The following GSN variants were observed in gnomAD, a reference collection of about 807,000 sequenced individuals.
GSN encodes gelsolin, also known as actin-depolymerizing factor.
Under a neutral mutation model 85.7 loss-of-function variants are expected in GSN, and 56 were observed. That is an observed-to-expected ratio of 0.65 (90% CI 0.53 to 0.82). The LOEUF (loss-of-function observed/expected upper bound fraction) is 0.82, where lower values mean the gene tolerates loss of function less well. Among genes scored for constraint, GSN ranks in the 40% least tolerant of loss-of-function variants. The pLI, the probability that GSN is intolerant of heterozygous loss-of-function variation, is 0.00. For synonymous variants in GSN, 373 were observed against 399.1 expected (o/e 0.93, Z 0.78); for missense variants, 857 against 979.8 (o/e 0.87, Z 1.67).
intron 1 of GSN, among the ~76,000 whole-genome samples, chr9:121,273,786 T>A (rs538885943): frequency 2.0e-5 from 3 of 152,226 alleles, no homozygotes; most frequent in Non-Finnish European, 4.4e-5. Context: ...TAAATGTTTA[T>A]TCTAATTTAA....
At chr9:121,248,113 G>A (rs958322493) in intron 5 of GSN, among the ~76,000 whole-genome samples, 4 of 152,150 alleles carry the variant, frequency 2.6e-5, no homozygotes, top group Non-Finnish European at 5.9e-5. Flanking sequence ...GAGAAGTGCT[G>A]TAAAGTATCC....
At chr9:121,225,696 T>G (rs988759634) in intron 4 of GSN, among the ~76,000 whole-genome samples, 4 of 152,236 alleles carry the variant, frequency 2.6e-5, no homozygotes, top group African/African-American at 7.2e-5. Flanking sequence ...TCTCGAACTC[T>G]TATCTCCTTG....
At chr9:121,219,080 C>CA (rs1445975242) in intron 4 of GSN, among the ~76,000 whole-genome samples, 2 of 152,132 alleles carry the variant, frequency 1.3e-5, no homozygotes, top group Admixed American at 1.3e-4. Flanking sequence ...TGATGTTTCT[C>CA]AGAGTCCTGA....
At chr9:121,262,286 AAATC>A (rs1485979555) in intron 6 of GSN, among the ~76,000 whole-genome samples, 1 of 152,248 alleles carries the variant, frequency 6.6e-6, no homozygotes, top group East Asian at 1.9e-4. Flanking sequence ...ACCTGGATTC[AAATC>A]CCAGCTCTAC....
intron 6 of GSN, among the ~76,000 whole-genome samples, chr9:121,251,142 G>A (rs2054822638): frequency 7.0e-6 from 1 of 143,054 alleles, no homozygotes; most frequent in South Asian, 2.3e-4. Context: ...GTTTTTTTAA[G>A]TAAATTTTTG....
chr9:121,297,284 T>G (rs2133066052), intron 2 of GSN, among the ~76,000 whole-genome samples: 1 of 152,360 alleles, frequency 6.6e-6, no homozygotes, highest in East Asian at 1.9e-4. Context: ...GCTAGTATAT[T>G]AAGGTATAAT....
intron 5 of GSN, among the ~76,000 whole-genome samples, chr9:121,242,104 G>T (rs1318880518): frequency 1.3e-5 from 2 of 152,084 alleles, no homozygotes; most frequent in Admixed American, 1.3e-4. Flanking sequence ...TTTCTCAAAG[G>T]GATGATACCT....
At chr9:121,247,967 G>A (rs1424644456) in intron 5 of GSN, among the ~76,000 whole-genome samples, 1 of 149,466 alleles carries the variant, frequency 6.7e-6, no homozygotes, top group Non-Finnish European at 1.5e-5. Context: ...AGTTCATTAG[G>A]AGAGTATGTA....
At chr9:121,312,557 G>C in intron 6 of GSN, 69 bp downstream of exon 6, 1 of 1,174,250 alleles carries the variant, frequency 8.5e-7, no homozygotes, top group Non-Finnish European at 1.2e-6. Flanking sequence ...TGTTCAGTAG[G>C]CAATTTGAGG....
rs904555944 is a variant in GSN, at chr9:121,299,355, C to T, written c.-9-2608C>T. The T allele has an allele frequency of 1.7e-5, 17 of 979,650 alleles. No individual in the cohort carries two copies. Among genetic ancestry groups the T allele is most frequent in the South Asian group, 9.4e-5 (2 of 21,180 alleles). The allele number at this position is 979,650 out of a possible 1,614,324, so 60.7% of individuals were successfully genotyped here. On this transcript the variant is annotated intron_variant, in intron 2 of 17. Coordinates refer to ENST00000432226, the MANE Select transcript of GSN (RefSeq NM_198252.3). This position sits in a 1 kb window ranked among gnomAD's most constrained non-coding sequence, Gnocchi z 4.2. The stretch of plus-strand genomic sequence containing the variant: ...CCCACTACGGCCTGAGTTCAAATCC[C>T]GGCAGCACCATTTACAAGCTGTGTG...
chr9:121,250,459 C>A (rs1036880389), intron 6 of GSN, among the ~76,000 whole-genome samples: 1 of 152,022 alleles, frequency 6.6e-6, no homozygotes, highest in Admixed American at 6.5e-5. Context: ...CCGCCTTGGC[C>A]TCCCAAATTC....
chr9:121,275,563 C>T (rs536040477), intron 1 of GSN, among the ~76,000 whole-genome samples: 5 of 152,258 alleles, frequency 3.3e-5, no homozygotes, highest in East Asian at 3.9e-4. Context: ...TCGTTCAGAA[C>T]GGAGGTAAAA....
intron 12 of GSN, among the ~76,000 whole-genome samples, chr9:121,325,898 T>C (rs1441589294): frequency 6.6e-6 from 1 of 151,928 alleles, no homozygotes; most frequent in Admixed American, 6.6e-5. Flanking sequence ...AACTCAGCGG[T>C]GGTGGGTCGT....
chr9:121,298,987 A>G (rs1162104737), intron 2 of GSN, among the ~76,000 whole-genome samples: 1 of 152,184 alleles, frequency 6.6e-6, no homozygotes, highest in Non-Finnish European at 1.5e-5. Flanking sequence ...TGGAAACCAA[A>G]CAAAACAACT....
At chr9:121,302,258 T>C in intron 3 of GSN, 91 bp downstream of exon 3, 3 of 1,395,912 alleles carry the variant, frequency 2.1e-6, no homozygotes, top group Non-Finnish European at 3.0e-6. Context: ...GAACTGATTA[T>C]TGAGCACCTA....
At chr9:121,319,857 G>A (rs1431949619) in intron 10 of GSN, among the ~76,000 whole-genome samples, 1 of 152,124 alleles carries the variant, frequency 6.6e-6, no homozygotes, top group Non-Finnish European at 1.5e-5. Context: ...GAAGAGGGGT[G>A]TGGGGTTCAG....
chr9:121,310,927 A>G, intron 5 of GSN, 82 bp downstream of exon 5: 1 of 1,300,100 alleles, frequency 7.7e-7, no homozygotes, highest in Non-Finnish European at 1.1e-6. Context: ...CACGTGAACA[A>G]ATGCATAGAT....
At chr9:121,308,236 CT>C (rs2060640847) in intron 4 of GSN, 1 of 152,376 alleles carries the variant, frequency 6.6e-6, no homozygotes, top group South Asian at 2.1e-4. Context: ...CCAAGGGACT[CT>C]TGAAAGGCCT....
chr9:121,332,016 A>G lies in GSN; in HGVS notation c.2027-418A>G, dbSNP rs2063975270. 6.9e-6 allele frequency: 2 copies of G among 290,162 alleles called. No individual in the cohort carries two copies. The highest frequency in any genetic ancestry group is 4.4e-5 in the Admixed American group (1 of 22,580). The allele number at this position is 290,162 out of a possible 1,614,324, so 18.0% of individuals were successfully genotyped here. ...GGCTGCTGTGAGCCATGATCGCACCACTATACTGTAGCCTGGGTGACAGAA... is the reference window on the plus strand; with the variant it reads ...GGCTGCTGTGAGCCATGATCGCACCGCTATACTGTAGCCTGGGTGACAGAA... On this transcript the variant is annotated intron_variant, in intron 17 of 17. Coordinates refer to ENST00000432226, the MANE Select transcript of GSN (RefSeq NM_198252.3). The surrounding 1 kb of genome is among the most constrained non-coding windows in gnomAD (Gnocchi z 4.8).
Sources: gnomAD v4.1 joint callset for allele counts (sites outside exome capture counted in the v4.1 genomes callset) on GRCh38, gnomAD v4.1.1 for gene constraint, Gnocchi (gnomAD v3.1) non-coding constraint, MANE v1.5 for transcripts, NCBI Gene and HGNC (gene_info 2026-07-23, HGNC 2026-07-21) for gene names.